Variants in LDB2 observed in about 807,000 individuals in gnomAD.
LDB2 encodes LIM domain binding 2, also known as LIM domain-binding protein 2.
A neutral mutation model predicts 44.3 loss-of-function variants in LDB2; 12 were observed. The observed-to-expected ratio is 0.27, with a 90% CI of 0.17 to 0.44. The LOEUF is 0.44. LDB2 is among the 20% of genes least tolerant of loss of function. The pLI, the probability that LDB2 is intolerant of heterozygous loss-of-function variation, is 1.00. For synonymous variants in LDB2, 164 were observed against 174.8 expected, an observed-to-expected ratio of 0.94 and a Z score of 0.49; for missense variants, 344 against 473.5, an observed-to-expected ratio of 0.73 and a Z score of 2.54.
chr4:16,649,570 T>C (rs1363194070), intron 2 of LDB2, among the ~76,000 whole-genome samples: 5 of 152,184 alleles, frequency 3.3e-5, no homozygotes, highest in African/African-American at 4.8e-5. Context: ...ATACCAGAAA[T>C]CTTGGGAGCT....
chr4:16,823,520 T>C (rs779776121), intron 1 of LDB2, among the ~76,000 whole-genome samples: 2 of 152,158 alleles, frequency 1.3e-5, no homozygotes, highest in Non-Finnish European at 2.9e-5. Flanking sequence ...GAGAAAGCAC[T>C]AAATGCGAAA....
intron 1 of LDB2, among the ~76,000 whole-genome samples, chr4:16,837,029 T>C (rs2110083609): frequency 1.3e-5 from 2 of 152,342 alleles, no homozygotes; most frequent in Middle Eastern, 3.4e-3. Flanking sequence ...GTTCCCAAAA[T>C]GGTTGCTAGT....
At chr4:16,763,514 T>C (rs796388472) in intron 1 of LDB2, among the ~76,000 whole-genome samples, 9 of 150,856 alleles carry the variant, frequency 6.0e-5, no homozygotes, top group African/African-American at 2.0e-4. Flanking sequence ...ACAGAACAAA[T>C]GTTTATTTAG....
At chr4:16,541,941 T>C (rs1193501914) in intron 5 of LDB2, among the ~76,000 whole-genome samples, 1 of 152,090 alleles carries the variant, frequency 6.6e-6, no homozygotes, top group African/African-American at 2.4e-5. Context: ...CTGTACATGG[T>C]TTTTTCCCAA....
chr4:16,690,487 G>A (rs60245162), intron 2 of LDB2, among the ~76,000 whole-genome samples: 3,043 of 13,714 alleles, frequency 0.22, 154 homozygotes, highest in Non-Finnish European at 0.34. Flanking sequence ...GGAAGGGAGG[G>A]AGGGAGGGAG....
chr4:16,639,383 C>T (rs1354936360), intron 2 of LDB2, among the ~76,000 whole-genome samples: 1 of 152,130 alleles, frequency 6.6e-6, no homozygotes, highest in Admixed American at 6.5e-5. Flanking sequence ...AAATACAAAA[C>T]TGGCAAAAAC....
At chr4:16,640,132 C>T (rs191661820) in intron 2 of LDB2, among the ~76,000 whole-genome samples, 89 of 152,336 alleles carry the variant, frequency 5.8e-4, no homozygotes, top group Non-Finnish European at 9.7e-4. Flanking sequence ...GTAGTTATGT[C>T]AGTTGGAATG....
At chr4:16,540,744 T>C (rs1201205758) in intron 5 of LDB2, among the ~76,000 whole-genome samples, 1 of 152,166 alleles carries the variant, frequency 6.6e-6, no homozygotes, top group Admixed American at 6.5e-5. Context: ...AAAATGACCA[T>C]TTTGCTTGGG....
intron 2 of LDB2, among the ~76,000 whole-genome samples, chr4:16,631,934 G>T (rs1732072902): frequency 6.6e-6 from 1 of 152,180 alleles, no homozygotes; most frequent in Admixed American, 6.5e-5. Flanking sequence ...TGAAATTGAG[G>T]CAATAATTAA....
intron 1 of LDB2, among the ~76,000 whole-genome samples, chr4:16,765,623 T>A (rs758855765): frequency 1.3e-5 from 2 of 152,184 alleles, no homozygotes; most frequent in Non-Finnish European, 2.9e-5. Flanking sequence ...TAGTACCCAA[T>A]AATGGAGTAG....
At chr4:16,635,119 C>T (rs1169028288) in intron 2 of LDB2, among the ~76,000 whole-genome samples, 2 of 152,084 alleles carry the variant, frequency 1.3e-5, no homozygotes, top group Non-Finnish European at 2.9e-5. Context: ...GGGAGGGGAA[C>T]ATCACACACC....
chr4:16,752,493 G>T, intron 2 of LDB2: 1 of 439,218 alleles, frequency 2.3e-6, no homozygotes, highest in South Asian at 1.7e-5. Context: ...TTTTGGCTCT[G>T]CCCAAAACCA....
At chr4:16,864,970 G>A (rs541062391) in intron 1 of LDB2, among the ~76,000 whole-genome samples, 9 of 152,174 alleles carry the variant, frequency 5.9e-5, no homozygotes, top group African/African-American at 1.4e-4. Flanking sequence ...CCGGCCAGGC[G>A]CGGTGTGGCT....
chr4:16,817,638 A>T (rs537664481), intron 1 of LDB2, among the ~76,000 whole-genome samples: 4 of 152,340 alleles, frequency 2.6e-5, no homozygotes, highest in African/African-American at 7.2e-5. Context: ...TAATAATTGC[A>T]TAGTGCTTTC....
chr4:16,690,562 A>G (rs1750505973), intron 2 of LDB2, among the ~76,000 whole-genome samples: 1 of 145,216 alleles, frequency 6.9e-6, no homozygotes, highest in Non-Finnish European at 1.5e-5. Flanking sequence ...GAAGGAAGGA[A>G]GGAAGGAAAG....
At chr4:16,841,851 G>C (rs1424735990) in intron 1 of LDB2, among the ~76,000 whole-genome samples, 3 of 152,162 alleles carry the variant, frequency 2.0e-5, no homozygotes, top group Admixed American at 6.5e-5. Flanking sequence ...ATGAAAAACA[G>C]ATGACATTTT....
intron 1 of LDB2, among the ~76,000 whole-genome samples, chr4:16,891,915 C>A (rs1723523161): frequency 6.6e-6 from 1 of 152,188 alleles, no homozygotes; most frequent in South Asian, 2.1e-4. Context: ...GTAGTTACAA[C>A]CTCTGAAGCT....
intron 1 of LDB2, among the ~76,000 whole-genome samples, chr4:16,771,826 C>G (rs539973396): frequency 6.6e-6 from 1 of 152,340 alleles, no homozygotes; most frequent in African/African-American, 2.4e-5. Flanking sequence ...TCTCAGCCCC[C>G]ACTCCTGTTC....
chr4:16,555,152 A>G (rs571924113), intron 5 of LDB2, among the ~76,000 whole-genome samples: 24 of 146,558 alleles, frequency 1.6e-4, no homozygotes, highest in African/African-American at 5.7e-4. Context: ...AAAAATACTG[A>G]TGTCTGGATT....
Sources: gnomAD v4.1 joint callset for allele counts (sites outside exome capture counted in the v4.1 genomes callset) on GRCh38, gnomAD v4.1.1 for gene constraint, MANE v1.5 for transcripts, NCBI Gene and HGNC (gene_info 2026-07-23, HGNC 2026-07-21) for gene names.